The following ARMC3 variants were observed in gnomAD, a reference collection of about 807,000 sequenced individuals.
ARMC3 encodes the protein armadillo repeat-containing protein 3.
Under a neutral mutation model 90.3 loss-of-function variants are expected in ARMC3, and 74 were observed. The observed-to-expected ratio is 0.82, with a 90% CI of 0.68 to 0.99. The LOEUF is 0.99. Among genes scored for constraint, ARMC3 ranks in the 50% least tolerant of loss-of-function variants. ARMC3 has a pLI of 0.00. For synonymous variants in ARMC3, 334 were observed against 361.8 expected (o/e 0.92, Z 0.87); for missense variants, 958 against 1,042.8 (o/e 0.92, Z 1.12).
At chr10:23,009,368 C>T (rs955695861) in intron 16 of ARMC3, among the ~76,000 whole-genome samples, 12 of 152,218 alleles carry the variant, frequency 7.9e-5, no homozygotes, top group African/African-American at 2.7e-4. Context: ...CTTCCACGGC[C>T]CTCCCCACCT....
Position 23,032,905 on chromosome 10 carries a change from T to A in ARMC3, c.2291T>A (p.Leu764Gln), listed in dbSNP as rs1838971916. 1.9e-6 allele frequency: 3 copies of A among 1,612,870 alleles called. No individual in the cohort carries two copies. The change falls in exon 18 of 19, where the codon CTA becomes CAA. Residue 764 changes from leucine (L) to glutamine (Q), a missense_variant. By Grantham distance (113) the Leu-to-Gln change is moderately radical (BLOSUM62 -2). Coordinates refer to ENST00000298032, the MANE Select transcript of ARMC3 (RefSeq NM_173081.5). Reference sequence around the variant, plus strand: ...GGTGGTAAGATTCCAAAAGAGAAACTACCTGATTTCAGCTGGGAACTTCAC... The same window carrying A: ...GGTGGTAAGATTCCAAAAGAGAAACAACCTGATTTCAGCTGGGAACTTCAC... ...KMGGKIPKEKLPDFSWELHIS... is the reference protein window; with the variant it reads ...KMGGKIPKEKQPDFSWELHIS...
rs567143631 is a variant in ARMC3, at chr10:23,000,143, G to T, written c.1425+1746G>T. Among the ~76,000 whole-genome samples, 164 of 152,044 alleles carry T rather than the reference G, an allele frequency of 1.1e-3. 4 individuals carry two copies. In the South Asian group the frequency reaches 0.034, roughly 31 times the overall value. On this transcript the variant is annotated intron_variant, in intron 11 of 18. Transcript: ENST00000298032. ...TTAAGCTGCTCAGCAACATCTGCAG[G>T]GGCCCTCCTGACCTGCACCTGCCTA...
At chr10:23,009,880 G>C (rs1249182715) in intron 16 of ARMC3, among the ~76,000 whole-genome samples, 1 of 152,288 alleles carries the variant, frequency 6.6e-6, no homozygotes, top group East Asian at 1.9e-4. Flanking sequence ...AGTTATGGTA[G>C]ACTTAAGCCT....
chr10:22,989,449 T>A lies in ARMC3; in HGVS notation c.1175+7749T>A, dbSNP rs181068330. On this transcript the variant is annotated intron_variant, in intron 10 of 18. Coordinates refer to ENST00000298032, the MANE Select transcript of ARMC3 (RefSeq NM_173081.5). Reference sequence around the variant, plus strand: ...AATCTCATTGCTATTATGGTTTCTCTAGAGTCGATTTTTTGCTCTTGACTT... The same window carrying A: ...AATCTCATTGCTATTATGGTTTCTCAAGAGTCGATTTTTTGCTCTTGACTT... Among the ~76,000 whole-genome samples the A allele has an allele frequency of 5.0e-4, 76 of 152,338 alleles. 2 individuals carry two copies. In the East Asian group the frequency reaches 0.011, roughly 22 times the overall value.
intron 2 of ARMC3, among the ~76,000 whole-genome samples, chr10:22,943,524 T>A (rs1025572069): frequency 6.6e-6 from 1 of 152,150 alleles, no homozygotes; most frequent in Non-Finnish European, 1.5e-5. Context: ...CCTCTTTTTT[T>A]AAAACCAAAA....
chr10:22,959,731 C>A (rs779792072), intron 6 of ARMC3, 157 bp downstream of exon 6: 39 of 730,388 alleles, frequency 5.3e-5, no homozygotes, highest in Admixed American at 8.5e-5. Flanking sequence ...ATAATGGAAG[C>A]TTAATGTAGA....
At chr10:23,015,807 G>T (rs1314675475) in intron 16 of ARMC3, among the ~76,000 whole-genome samples, 3 of 152,140 alleles carry the variant, frequency 2.0e-5, no homozygotes, top group African/African-American at 4.8e-5. Flanking sequence ...TTCAGAAACA[G>T]ATATTGTCTC....
At chr10:22,960,399 C>G (rs940991879) in intron 6 of ARMC3, 1 of 152,236 alleles carries the variant, frequency 6.6e-6, no homozygotes, top group African/African-American at 2.4e-5. Flanking sequence ...GACAAATAGG[C>G]TCATGTCAAA....
At chr10:22,944,698 C>T (rs1482431867) in intron 2 of ARMC3, among the ~76,000 whole-genome samples, 5 of 152,170 alleles carry the variant, frequency 3.3e-5, no homozygotes. Flanking sequence ...CCTTTAATAC[C>T]TAAAGAGGAT....
chr10:22,944,298 G>A (rs1015825387), intron 2 of ARMC3, among the ~76,000 whole-genome samples: 2 of 152,052 alleles, frequency 1.3e-5, no homozygotes, highest in African/African-American at 4.8e-5. Flanking sequence ...TCTGCTTCCT[G>A]TTGTATATTT....
At chr10:22,958,054 C>A (rs530981738) in intron 4 of ARMC3, among the ~76,000 whole-genome samples, 1 of 152,114 alleles carries the variant, frequency 6.6e-6, no homozygotes, top group East Asian at 1.9e-4. Flanking sequence ...AGAGCGAAAC[C>A]CTGTCTCAAA....
rs1350458189 is a variant in ARMC3, at chr10:22,981,273, G to A, written c.917-67G>A. 3.6e-6 allele frequency: 5 copies of A among 1,398,362 alleles called. No homozygotes were observed. In the East Asian group the frequency reaches 1.2e-4, roughly 33 times the overall value. The allele number at this position is 1,398,362 out of a possible 1,614,324, so 86.6% of individuals were successfully genotyped here. A position where few individuals can be genotyped will look rare whatever the true frequency, so the allele number is the denominator to read the frequency against. ...TGAATTCCTATTAGACTTTGGATGG[G>A]AAAGTAGTAATACTTCGCAGTTTTT... On this transcript the variant is annotated intron_variant, in intron 8 of 18. Transcript: ENST00000298032.
intron 2 of ARMC3, among the ~76,000 whole-genome samples, chr10:22,939,565 C>T (rs181783039): frequency 1.2e-3 from 184 of 152,224 alleles, no homozygotes; most frequent in African/African-American, 4.2e-3. Context: ...TCTAGTCCTG[C>T]CCTACCTAAT....
chr10:22,938,896 A>C (rs866270961), intron 2 of ARMC3, among the ~76,000 whole-genome samples: 1 of 152,220 alleles, frequency 6.6e-6, no homozygotes, highest in South Asian at 2.1e-4. Context: ...TGACAATTAA[A>C]TACACCATAA....
chr10:23,002,999 A>G (rs560344220), intron 12 of ARMC3, among the ~76,000 whole-genome samples: 1 of 152,244 alleles, frequency 6.6e-6, no homozygotes, highest in African/African-American at 2.4e-5. Context: ...TAGATGAACA[A>G]AGAACTTTTT....
chr10:22,998,353 C>G lies in ARMC3; in HGVS notation c.1381C>G (p.Leu461Val). ...ANTVVQSKAALAVTATACDVE... is the reference protein window; with the variant it reads ...ANTVVQSKAAVAVTATACDVE... ...CACAGTCGTGCAGAGCAAAGCTGCT[C>G]TCGCTGTCACCGCAACTGCGTGTGA... The change falls in exon 11 of 19, where the codon CTC becomes GTC. Residue 461 changes from leucine to valine, a missense_variant. Coordinates refer to ENST00000298032, the MANE Select transcript of ARMC3 (RefSeq NM_173081.5). The G allele has an allele frequency of 6.2e-7, 1 of 1,614,046 alleles. No homozygotes were observed. Among genetic ancestry groups the G allele is most frequent in the South Asian group, 1.1e-5 (1 of 91,028 alleles).
chr10:22,960,759 CA>C (rs1191594561), intron 6 of ARMC3: 1 of 152,284 alleles, frequency 6.6e-6, no homozygotes, highest in Non-Finnish European at 1.5e-5. Flanking sequence ...CAGACAGTCA[CA>C]GTTCTGGAGG....
chr10:22,986,776 A>AT (rs1220133010), intron 10 of ARMC3, among the ~76,000 whole-genome samples: 1 of 152,138 alleles, frequency 6.6e-6, no homozygotes, highest in East Asian at 1.9e-4. Context: ...AGGCTTCCCT[A>AT]TAAGAGCCTC....
chr10:23,025,397 G>A (rs1838678767), intron 16 of ARMC3, among the ~76,000 whole-genome samples: 2 of 152,098 alleles, frequency 1.3e-5, no homozygotes, highest in South Asian at 4.1e-4. Flanking sequence ...TACATAATAT[G>A]TACAATAATC....
Sources: allele counts gnomAD v4.1 joint callset (sites outside exome capture counted in the v4.1 genomes callset), GRCh38; gene constraint gnomAD v4.1.1; transcripts MANE v1.5; gene names NCBI Gene and HGNC (gene_info 2026-07-23, HGNC 2026-07-21).